Variants in MEGF11 observed in about 807,000 individuals in gnomAD.
MEGF11 encodes the protein multiple epidermal growth factor-like domains protein 11.
In MEGF11, 126 loss-of-function variants were observed where a neutral mutation model predicts 146.6. The ratio of observed to expected loss-of-function variants is 0.86; its 90% CI spans 0.74 to 1.00. The LOEUF (loss-of-function observed/expected upper bound fraction) is 1.00. Ranked by LOEUF, MEGF11 falls within the 50% of genes least tolerant of loss-of-function variation. The pLI is 0.00. For missense variants in MEGF11, 1,509 were observed against 1,521.2 expected (o/e 0.99, Z 0.13); for synonymous variants, 532 against 583.4 (o/e 0.91, Z 1.27).
intron 1 of MEGF11, among the ~76,000 whole-genome samples, chr15:66,203,317 G>A (rs1228367111): frequency 2.0e-5 from 3 of 152,218 alleles, no homozygotes; most frequent in East Asian, 3.8e-4. Flanking sequence ...TAAATTCTTT[G>A]CAGTGGAAGG....
chr15:65,913,893 C>T lies in MEGF11; in HGVS notation c.2554G>A (p.Val852Ile), dbSNP rs757617128. ...AATAACAGGAGCATGATGCCTGTGACAGCACCCACCGAGTGCCGCTCTGCA... is the reference window on the plus strand; with the variant it reads ...AATAACAGGAGCATGATGCCTGTGATAGCACCCACCGAGTGCCGCTCTGCA... ...LGAERHSVGA[V>I]TGIMLLLFLI... Residue 852 changes from valine to isoleucine, a missense_variant, in exon 20 of 26, where the codon GTC (valine) becomes ATC (isoleucine). Val to Ile is a conservative substitution (Grantham distance 29). Coordinates refer to ENST00000395614, the MANE Select transcript of MEGF11 (RefSeq NM_001385028.1). 1.9e-6 allele frequency: 3 copies of T among 1,613,928 alleles called. No homozygotes were observed. In the African/African-American group the frequency reaches 4.0e-5, roughly 22 times the overall value.
Position 66,035,183 on chromosome 15 carries a change from C to T in MEGF11, c.395-52695G>A, listed in dbSNP as rs184365933. The stretch of plus-strand genomic sequence containing the variant: ...GTACCCAGAGTATGCAGCAAAGTAC[C>T]GGACACAGAGTAAGAACTTCATAAG... On this transcript the variant is annotated intron_variant, in intron 5 of 25. Transcript: ENST00000395614. Among the ~76,000 whole-genome samples the T allele has an allele frequency of 6.6e-3, 1,000 of 152,248 alleles. 3 individuals carry two copies. Among genetic ancestry groups the T allele is most frequent in the Admixed American group, 9.7e-3 (148 of 15,300 alleles).
chr15:65,924,557 G>A (rs1357429439), intron 13 of MEGF11, among the ~76,000 whole-genome samples: 1 of 151,722 alleles, frequency 6.6e-6, no homozygotes, highest in African/African-American at 2.4e-5. Context: ...AACTGTTCAA[G>A]GTTTTGGATC....
chr15:65,935,167 A>C (rs2079725308), intron 10 of MEGF11, among the ~76,000 whole-genome samples: 1 of 151,876 alleles, frequency 6.6e-6, no homozygotes, highest in South Asian at 2.1e-4. Flanking sequence ...AAAATACAAA[A>C]AAATTAGCTG....
intron 4 of MEGF11, among the ~76,000 whole-genome samples, chr15:66,113,217 T>C (rs967603046): frequency 2.0e-5 from 3 of 151,810 alleles, no homozygotes; most frequent in Non-Finnish European, 2.9e-5. Flanking sequence ...GCAGACCACC[T>C]CCTAGGGTTG....
chr15:65,944,265 G>T (rs1242121302), intron 10 of MEGF11, among the ~76,000 whole-genome samples: 1 of 152,154 alleles, frequency 6.6e-6, no homozygotes. Flanking sequence ...ACCAGAGTGG[G>T]TATGTCAGTG....
At chr15:66,182,960 C>T (rs1260424301) in intron 1 of MEGF11, among the ~76,000 whole-genome samples, 3 of 152,132 alleles carry the variant, frequency 2.0e-5, no homozygotes, top group African/African-American at 7.2e-5. Flanking sequence ...CTATGGAGAA[C>T]TCACCATCAG....
intron 5 of MEGF11, among the ~76,000 whole-genome samples, chr15:65,985,235 C>A (rs569953328): frequency 6.6e-6 from 1 of 152,194 alleles, no homozygotes; most frequent in Non-Finnish European, 1.5e-5. Context: ...CCTGAGGTTA[C>A]AGCAAGAGCA....
intron 23 of MEGF11, among the ~76,000 whole-genome samples, chr15:65,907,739 G>A (rs1387661157): frequency 6.6e-6 from 1 of 152,246 alleles, no homozygotes; most frequent in Non-Finnish European, 1.5e-5. Flanking sequence ...GCTGGCTAGG[G>A]TATTAACTTT....
At chr15:66,164,355 G>T (rs934863756) in intron 1 of MEGF11, among the ~76,000 whole-genome samples, 6 of 152,064 alleles carry the variant, frequency 3.9e-5, no homozygotes, top group Non-Finnish European at 7.4e-5. Flanking sequence ...AACCTGGATC[G>T]CTGCACGTGA....
intron 5 of MEGF11, chr15:66,040,365 AG>A (rs761006569): frequency 6.5e-5 from 10 of 154,722 alleles, no homozygotes; most frequent in African/African-American, 2.4e-4. Flanking sequence ...GCAGAAAGTG[AG>A]GCACTTCGGA....
At chr15:66,082,445 AAAAAAAAAAAAAAAAAAAAAAATCTAT>A (rs1403470808) in intron 5 of MEGF11, among the ~76,000 whole-genome samples, 4 of 110,934 alleles carry the variant, frequency 3.6e-5, no homozygotes, top group African/African-American at 1.1e-4. Context: ...AAAAAAAAAA[AAAAAAAAAAAAAAAAAAAAAAATCTAT>A]CTATCTATCT....
At chr15:65,911,066 A>G (rs2078788885) in intron 21 of MEGF11, among the ~76,000 whole-genome samples, 1 of 151,492 alleles carries the variant, frequency 6.6e-6, no homozygotes, top group Non-Finnish European at 1.5e-5. Flanking sequence ...GTGCTGAGAC[A>G]TCCTTGCCCA....
At position 66,198,690 on chromosome 15, in the gene MEGF11, T is replaced by C. The variant is rs191688427; in HGVS notation, c.-9+54915A>G. 3.4e-3 allele frequency among the ~76,000 whole-genome samples: 523 copies of C among 152,254 alleles called. 9 individuals carry two copies. Among genetic ancestry groups the C allele is most frequent in the Admixed American group, 0.012 (189 of 15,288 alleles). ...TGATAGAGACGGGGTTTCATCATGT[T>C]GCCCAGGCTGGTCTCAAACTCCTGA... is the stretch of plus-strand genomic sequence containing the variant. On this transcript the variant is annotated intron_variant, in intron 1 of 25. Transcript: ENST00000395614.
chr15:66,246,273 A>T (rs2092295151), intron 1 of MEGF11, among the ~76,000 whole-genome samples: 4 of 150,988 alleles, frequency 2.6e-5, no homozygotes, highest in South Asian at 4.2e-4. Context: ...TAATTAATTA[A>T]TTTTTTTTTT....
At position 65,982,244 on chromosome 15, in the gene MEGF11, G is replaced by A; in HGVS notation, c.639C>T (p.Val213=). Residue 213 remains valine, a splice_region_variant and synonymous_variant, in exon 6 of 26, where the codon GTC becomes GTT. Transcript: ENST00000395614. This position sits in a 1 kb window ranked among gnomAD's most constrained non-coding sequence, Gnocchi z 5.6. ...CCAGGTCCTGCCGCATGACTCACTA[G>A]ACGCCGGTGTAGCCAGGTGCGCAGA... ...ECLCAPGYTG[V]YCEELCPPGS... The A allele has an allele frequency of 6.6e-7, 1 of 1,511,260 alleles. No individual in the cohort carries two copies. Among genetic ancestry groups the A allele is most frequent in the Non-Finnish European group, 8.9e-7 (1 of 1,127,640 alleles). The allele number at this position is 1,511,260 out of a possible 1,614,324, so 93.6% of individuals were successfully genotyped here. A position where few individuals can be genotyped will look rare whatever the true frequency, so the allele number is the denominator to read the frequency against.
intron 5 of MEGF11, among the ~76,000 whole-genome samples, chr15:66,008,474 C>T (rs1310276398): frequency 1.3e-5 from 2 of 151,888 alleles, no homozygotes; most frequent in Non-Finnish European, 2.9e-5. Flanking sequence ...AGTCTAACTC[C>T]CTTCTTTTAA....
chr15:66,081,567 CG>C (rs2085857692), intron 5 of MEGF11, among the ~76,000 whole-genome samples: 1 of 152,062 alleles, frequency 6.6e-6, no homozygotes, highest in Non-Finnish European at 1.5e-5. Flanking sequence ...TTAGTAGAGA[CG>C]GGGTTTCACC....
intron 5 of MEGF11, among the ~76,000 whole-genome samples, chr15:66,048,584 C>T (rs769627572): frequency 2.0e-4 from 31 of 152,228 alleles, no homozygotes; most frequent in Non-Finnish European, 4.3e-4. Flanking sequence ...AGGGAAGCAA[C>T]ACACACAGAG....
Sources: gnomAD v4.1 joint callset for allele counts (sites outside exome capture counted in the v4.1 genomes callset) on GRCh38, gnomAD v4.1.1 for gene constraint, Gnocchi (gnomAD v3.1) non-coding constraint, MANE v1.5 for transcripts, NCBI Gene and HGNC (gene_info 2026-07-23, HGNC 2026-07-21) for gene names.